The following DOK5 variants were observed in gnomAD, a reference collection of about 807,000 sequenced individuals.
The protein encoded by DOK5 is downstream of tyrosine kinase 5.
A neutral mutation model predicts 43.3 loss-of-function variants in DOK5; 27 were observed. That is an observed-to-expected ratio of 0.62 (90% CI 0.46 to 0.86). The LOEUF (loss-of-function observed/expected upper bound fraction) is 0.86. DOK5 is among the 40% of genes least tolerant of loss of function. The probability of loss-of-function intolerance (pLI) is 0.00; values close to 1 mark genes in which losing one functional copy is unlikely to be tolerated. For synonymous variants in DOK5, 146 were observed against 140.1 expected, an observed-to-expected ratio of 1.04 and a Z score of -0.30; for missense variants, 373 against 392.9, an observed-to-expected ratio of 0.95 and a Z score of 0.43.
At chr20:54,569,400 T>C (rs1004582693) in intron 2 of DOK5, among the ~76,000 whole-genome samples, 1 of 152,222 alleles carries the variant, frequency 6.6e-6, no homozygotes, top group East Asian at 1.9e-4. Flanking sequence ...TCTAGCGTAC[T>C]GTTTAATATC....
chr20:54,524,967 G>A lies in DOK5; in HGVS notation c.67-29966G>A, dbSNP rs537750904. 7.2e-5 allele frequency among the ~76,000 whole-genome samples: 11 copies of A among 152,324 alleles called. No individual in the cohort carries two copies. In the South Asian group the frequency reaches 2.1e-3, roughly 29 times the overall value. On this transcript the variant is annotated intron_variant, in intron 1 of 7. Coordinates refer to ENST00000262593, the MANE Select transcript of DOK5 (RefSeq NM_018431.5). ...GTTTTCAGCCAGAGGACAGCCCTTT[G>A]GAGAAGAACATTATTTGAGGGTGTT... is the stretch of plus-strand genomic sequence containing the variant.
intron 2 of DOK5, among the ~76,000 whole-genome samples, chr20:54,557,752 C>G (rs1984761460): frequency 6.6e-6 from 1 of 152,296 alleles, no homozygotes; most frequent in Non-Finnish European, 1.5e-5. Context: ...GTGCGTTGCT[C>G]AAATTGCTCC....
intron 1 of DOK5, among the ~76,000 whole-genome samples, chr20:54,527,608 A>G (rs1568768197): frequency 6.6e-6 from 1 of 152,206 alleles, no homozygotes; most frequent in Non-Finnish European, 1.5e-5. Flanking sequence ...CTTCCTTAAG[A>G]ATAAAGTAAA....
intron 4 of DOK5, among the ~76,000 whole-genome samples, chr20:54,590,486 TAG>T (rs2146768937): frequency 6.6e-6 from 1 of 152,084 alleles, no homozygotes; most frequent in South Asian, 2.1e-4. Context: ...TTACTTAATA[TAG>T]ACAGTCTTTC....
chr20:54,585,010 C>T (rs957019127), intron 2 of DOK5, among the ~76,000 whole-genome samples: 1 of 151,946 alleles, frequency 6.6e-6, no homozygotes. Context: ...TTGTAAATAT[C>T]TCTGCAAAAT....
At chr20:54,587,122 A>C (rs1301478494) in intron 2 of DOK5, among the ~76,000 whole-genome samples, 1 of 152,218 alleles carries the variant, frequency 6.6e-6, no homozygotes, top group East Asian at 1.9e-4. Flanking sequence ...GTAGTGGCAA[A>C]AAATAAAAAT....
At chr20:54,511,254 A>G (rs1047308589) in intron 1 of DOK5, among the ~76,000 whole-genome samples, 1 of 152,174 alleles carries the variant, frequency 6.6e-6, no homozygotes, top group Admixed American at 6.5e-5. Context: ...GATATACTAC[A>G]TAGAGCTGTT....
rs183734551 is a variant in DOK5, at chr20:54,484,490, T to G, written c.66+8478T>G. On this transcript the variant is annotated intron_variant, in intron 1 of 7. Transcript: ENST00000262593. ...AGAAATAATATGGAGAGATATTCCATGCCCTTTAACCACTTTCCCCCCAAT... is the reference window on the plus strand; with the variant it reads ...AGAAATAATATGGAGAGATATTCCAGGCCCTTTAACCACTTTCCCCCCAAT... Among the ~76,000 whole-genome samples the G allele has an allele frequency of 5.3e-5, 8 of 152,336 alleles. No individual in the cohort carries two copies. The East Asian group carries it at 1.3e-3, about 26-fold the overall frequency.
intron 2 of DOK5, among the ~76,000 whole-genome samples, chr20:54,556,553 C>T (rs1388183187): frequency 2.0e-5 from 3 of 152,178 alleles, no homozygotes; most frequent in African/African-American, 7.2e-5. Context: ...CCTCATGTAT[C>T]CAGTATTTTC....
chr20:54,638,477 T>A (rs1176616225), intron 6 of DOK5, among the ~76,000 whole-genome samples: 1 of 152,128 alleles, frequency 6.6e-6, no homozygotes, highest in Non-Finnish European at 1.5e-5. Flanking sequence ...AGCCCCCCAA[T>A]CTAAGAAGTT....
intron 2 of DOK5, among the ~76,000 whole-genome samples, chr20:54,558,491 A>T (rs2146733411): frequency 6.6e-6 from 1 of 152,304 alleles, no homozygotes; most frequent in South Asian, 2.1e-4. Context: ...TTTAGATCTG[A>T]TACATTTAGT....
At chr20:54,614,339 CAGAG>C (rs908735090) in intron 6 of DOK5, among the ~76,000 whole-genome samples, 1 of 152,096 alleles carries the variant, frequency 6.6e-6, no homozygotes, top group Non-Finnish European at 1.5e-5. Context: ...TGGAGAGAGA[CAGAG>C]GGAGGGGAAT....
intron 2 of DOK5, among the ~76,000 whole-genome samples, chr20:54,562,567 C>T (rs899001352): frequency 9.9e-5 from 15 of 152,036 alleles, no homozygotes; most frequent in African/African-American, 2.2e-4. Flanking sequence ...TACAGGCGTG[C>T]GCCACCATGC....
At chr20:54,541,965 A>G (rs752710218) in intron 1 of DOK5, among the ~76,000 whole-genome samples, 3 of 151,894 alleles carry the variant, frequency 2.0e-5, no homozygotes, top group African/African-American at 4.8e-5. Flanking sequence ...CTCAGATGAT[A>G]CCTTCTTCAT....
chr20:54,506,053 A>G lies in DOK5; in HGVS notation c.66+30041A>G, dbSNP rs566303113. Among the ~76,000 whole-genome samples, 5 of 152,314 alleles carry G rather than the reference A, an allele frequency of 3.3e-5. No individual in the cohort carries two copies. In the East Asian group the frequency reaches 9.7e-4, roughly 29 times the overall value. On this transcript the variant is annotated intron_variant, in intron 1 of 7. Transcript: ENST00000262593. The stretch of plus-strand genomic sequence containing the variant: ...ATCACTCTGGCTGCAGATGGCGGCC[A>G]TGAGTGGCAGCTTGAACTGGGGTTA...
intron 1 of DOK5, among the ~76,000 whole-genome samples, chr20:54,496,765 C>CAAAA (rs74179280): frequency 7.2e-4 from 43 of 59,406 alleles, no homozygotes; most frequent in African/African-American, 1.2e-3. Flanking sequence ...GACTCCGTCT[C>CAAAA]AAAAAAAAAA....
chr20:54,541,456 G>T (rs1984155596), intron 1 of DOK5, among the ~76,000 whole-genome samples: 1 of 151,864 alleles, frequency 6.6e-6, no homozygotes, highest in Non-Finnish European at 1.5e-5. Flanking sequence ...CTTTTTTTGA[G>T]GCAGAGTCTA....
chr20:54,610,689 G>A (rs1213726568), intron 6 of DOK5, among the ~76,000 whole-genome samples, 166 bp downstream of exon 6: 1 of 152,170 alleles, frequency 6.6e-6, no homozygotes, highest in African/African-American at 2.4e-5. Flanking sequence ...TGCCTGATGT[G>A]GGCCGTTGGT....
intron 1 of DOK5, among the ~76,000 whole-genome samples, chr20:54,544,689 C>G (rs918833639): frequency 7.2e-5 from 11 of 152,262 alleles, no homozygotes; most frequent in Middle Eastern, 3.4e-3. Context: ...ATGGGTGCTG[C>G]TGATTGGTTG....
Sources: allele counts gnomAD v4.1 joint callset (sites outside exome capture counted in the v4.1 genomes callset), GRCh38; gene constraint gnomAD v4.1.1; transcripts MANE v1.5; gene names NCBI Gene and HGNC (gene_info 2026-07-23, HGNC 2026-07-21).